Variants in ARHGAP6 observed in about 807,000 individuals in gnomAD.
The protein encoded by ARHGAP6 is Rho GTPase activating protein 6, also known as rho GTPase-activating protein 6.
In ARHGAP6, 16 loss-of-function variants were observed where a neutral mutation model predicts 55.7. The observed-to-expected ratio is 0.29, with a 90% CI of 0.19 to 0.44. The LOEUF (loss-of-function observed/expected upper bound fraction) is 0.44, where lower values mean the gene tolerates loss of function less well. Among genes scored for constraint, ARHGAP6 ranks in the 20% least tolerant of loss-of-function variants. ARHGAP6 has a pLI of 1.00. For synonymous variants in ARHGAP6, 382 were observed against 360.9 expected, an observed-to-expected ratio of 1.06 and a Z score of -0.66; for missense variants, 698 against 808.9, an observed-to-expected ratio of 0.86 and a Z score of 1.66.
chrX:11,539,965 C>A (rs1425408397), intron 1 of ARHGAP6, among the ~76,000 whole-genome samples: 1 of 111,209 alleles, frequency 9.0e-6, no homozygotes, highest in Non-Finnish European at 1.9e-5. Context: ...CAAAACAAAA[C>A]AAACCTCAGG....
chrX:11,614,605 A>G (rs1302778929), intron 1 of ARHGAP6, among the ~76,000 whole-genome samples: 1 of 111,920 alleles, frequency 8.9e-6, no homozygotes, highest in East Asian at 2.8e-4. Context: ...ACAATTCAAC[A>G]TGAGATTTCA....
At chrX:11,297,188 T>C (rs758034686) in intron 1 of ARHGAP6, among the ~76,000 whole-genome samples, 5 of 112,160 alleles carry the variant, frequency 4.5e-5, no homozygotes, top group Non-Finnish European at 9.4e-5. Flanking sequence ...TAAAACTCTT[T>C]CCAGCTCAAA....
chrX:11,232,533 T>C (rs1456674537), intron 2 of ARHGAP6, among the ~76,000 whole-genome samples: 1 of 111,251 alleles, frequency 9.0e-6, no homozygotes, highest in Non-Finnish European at 1.9e-5. Context: ...TCAGGGAGGC[T>C]GAGGCAGGAG....
In ARHGAP6 at chrX:11,639,178, G is replaced by C. The variant is rs1322661887; in HGVS notation, c.588+25063C>G. 2.7e-5 allele frequency among the ~76,000 whole-genome samples: 3 copies of C among 111,513 alleles called. No individual in the cohort carries two copies. The East Asian group carries it at 8.4e-4, about 31-fold the overall frequency. ...GTCTGAAACAAGGGACATTGGGGCA[G>C]ATTATGAAAAGAGTATAAATTATTT... is the stretch of plus-strand genomic sequence containing the variant. On this transcript the variant is annotated intron_variant, in intron 1 of 12. Coordinates refer to ENST00000337414, the MANE Select transcript of ARHGAP6 (RefSeq NM_013427.3).
At chrX:11,659,552 G>A (rs2052673882) in intron 1 of ARHGAP6, among the ~76,000 whole-genome samples, 1 of 111,717 alleles carries the variant, frequency 9.0e-6, no homozygotes, top group African/African-American at 3.3e-5. Context: ...CCTAAAACAT[G>A]TGAATACCTC....
intron 2 of ARHGAP6, among the ~76,000 whole-genome samples, chrX:11,217,122 G>A (rs1247535887): frequency 3.6e-5 from 4 of 111,966 alleles, no homozygotes; most frequent in Non-Finnish European, 7.5e-5. Flanking sequence ...TCATTGATGG[G>A]CATTTGGGTT....
chrX:11,567,838 A>G (rs1461930113), intron 1 of ARHGAP6, among the ~76,000 whole-genome samples: 1 of 109,355 alleles, frequency 9.1e-6, no homozygotes, highest in African/African-American at 3.3e-5. Context: ...CCAGATTATT[A>G]TTATTGTTGT....
intron 1 of ARHGAP6, among the ~76,000 whole-genome samples, chrX:11,312,403 AC>A (rs1379278943): frequency 8.9e-6 from 1 of 112,148 alleles, no homozygotes; most frequent in Non-Finnish European, 1.9e-5. Flanking sequence ...ATACAAAAAA[AC>A]ATGGTGGTAA....
intron 1 of ARHGAP6, among the ~76,000 whole-genome samples, chrX:11,394,060 A>G (rs2049445260): frequency 9.0e-6 from 1 of 111,575 alleles, no homozygotes; most frequent in South Asian, 3.7e-4. Flanking sequence ...TTATAAGCCA[A>G]AAATGGACTT....
chrX:11,663,784 C>T (rs1042908770), intron 1 of ARHGAP6, among the ~76,000 whole-genome samples: 37 of 112,373 alleles, frequency 3.3e-4, no homozygotes, highest in African/African-American at 1.2e-3. Flanking sequence ...CACACACACT[C>T]ACTCATACAG....
chrX:11,274,906 C>T (rs1387609847), intron 1 of ARHGAP6, among the ~76,000 whole-genome samples: 2 of 111,706 alleles, frequency 1.8e-5, no homozygotes, highest in African/African-American at 6.5e-5. Flanking sequence ...ACAGAGATCA[C>T]TCAATGTCTA....
intron 1 of ARHGAP6, among the ~76,000 whole-genome samples, chrX:11,312,277 C>T (rs780990238): frequency 1.3e-3 from 148 of 111,764 alleles, no homozygotes; most frequent in African/African-American, 4.7e-3. Flanking sequence ...TTATTTTACA[C>T]TATGGAGAAC....
At chrX:11,261,544 A>G (rs2047561176) in intron 1 of ARHGAP6, among the ~76,000 whole-genome samples, 1 of 111,828 alleles carries the variant, frequency 8.9e-6, no homozygotes, top group South Asian at 3.7e-4. Context: ...TTGAGTGATC[A>G]TCATGGAATT....
chrX:11,572,511 C>T (rs369157277), intron 1 of ARHGAP6, among the ~76,000 whole-genome samples: 1 of 111,424 alleles, frequency 9.0e-6, no homozygotes, highest in East Asian at 2.8e-4. Flanking sequence ...CTACAAAGGA[C>T]ATGAACTCAT....
At chrX:11,236,006 C>T (rs1216920347) in intron 2 of ARHGAP6, among the ~76,000 whole-genome samples, 2 of 112,014 alleles carry the variant, frequency 1.8e-5, no homozygotes, top group Non-Finnish European at 3.8e-5. Flanking sequence ...TTACTCAGTT[C>T]CAAAGTTGCT....
At chrX:11,200,980 C>T (rs2046611220) in intron 2 of ARHGAP6, among the ~76,000 whole-genome samples, 1 of 112,117 alleles carries the variant, frequency 8.9e-6, no homozygotes, top group South Asian at 3.7e-4. Context: ...ATGAGGGACT[C>T]TTCCGGGGTG....
chrX:11,383,874 C>A (rs2049292243), intron 1 of ARHGAP6, among the ~76,000 whole-genome samples: 1 of 110,619 alleles, frequency 9.0e-6, no homozygotes, highest in South Asian at 3.8e-4. Flanking sequence ...CTGGAAAAGA[C>A]AACAGGGTGC....
intron 1 of ARHGAP6, among the ~76,000 whole-genome samples, chrX:11,519,289 A>G: frequency 9.1e-6 from 1 of 109,357 alleles, no homozygotes; most frequent in Admixed American, 9.9e-5. Context: ...CATCCTCCCC[A>G]GCACCTGTTG....
At chrX:11,434,291 T>G (rs183056981) in intron 1 of ARHGAP6, among the ~76,000 whole-genome samples, 1 of 112,107 alleles carries the variant, frequency 8.9e-6, no homozygotes, top group East Asian at 2.8e-4. Context: ...CAACAACACA[T>G]TTTCTTTCAG....
Sources: allele counts gnomAD v4.1 joint callset (sites outside exome capture counted in the v4.1 genomes callset), GRCh38; gene constraint gnomAD v4.1.1; transcripts MANE v1.5; gene names NCBI Gene and HGNC (gene_info 2026-07-23, HGNC 2026-07-21).